Variants in SKIL observed in about 807,000 individuals in gnomAD.
The protein encoded by SKIL is SKI like proto-oncogene, also known as ski-like protein.
In SKIL, 20 loss-of-function variants were observed where a neutral mutation model predicts 69.6. The observed-to-expected ratio is 0.29, with a 90% confidence interval of 0.20 to 0.42. The LOEUF is 0.42. Ranked by LOEUF, SKIL falls within the 10% of genes least tolerant of loss-of-function variation. The probability of loss-of-function intolerance (pLI) is 1.00; values close to 1 mark genes in which losing one functional copy is unlikely to be tolerated. For missense variants in SKIL, 745 were observed against 783.1 expected, an observed-to-expected ratio of 0.95 and a Z score of 0.58; for synonymous variants, 310 against 279.9, an observed-to-expected ratio of 1.11 and a Z score of -1.08.
intron 2 of SKIL, among the ~76,000 whole-genome samples, chr3:170,376,610 C>G (rs182284665): frequency 1.3e-5 from 2 of 151,946 alleles, no homozygotes; most frequent in South Asian, 2.1e-4. Flanking sequence ...GGGTCTGGCT[C>G]TGTCACCCAG....
At chr3:170,387,933 C>CA (rs541166783) in intron 4 of SKIL, among the ~76,000 whole-genome samples, 20,807 of 51,044 alleles carry the variant, frequency 0.41, 6,325 homozygotes, top group East Asian at 0.68. Flanking sequence ...GACTCCGTCT[C>CA]AAAAAAAAAA....
At chr3:170,373,319 A>G (rs953353144) in intron 2 of SKIL, among the ~76,000 whole-genome samples, 3 of 152,056 alleles carry the variant, frequency 2.0e-5, no homozygotes, top group African/African-American at 7.2e-5. Context: ...GGCATGAGCC[A>G]CCGTGCCCAG....
At position 170,384,609 on chromosome 3, in the gene SKIL, C is replaced by T. The variant is rs760271416; in HGVS notation, c.1273C>T (p.Leu425Phe). 1.2e-6 allele frequency: 2 copies of T among 1,612,962 alleles called. No individual in the cohort carries two copies. The highest frequency in any genetic ancestry group is 2.2e-5 in the South Asian group (2 of 91,042). Reference protein sequence around the residue: ...LTSAVSQSKELTKTEASKSIS... With the variant: ...LTSAVSQSKEFTKTEASKSIS... ...TTCTGCTGTATCCCAGTCTAAAGAG[C>T]TCACAAAGACAGAGGCAAGTAAGTC... The change falls in exon 4 of 7, where the codon CTC becomes TTC. Residue 425 changes from leucine to phenylalanine, a missense_variant. Transcript: ENST00000259119.
At chr3:170,389,316 CTTT>C (rs763858925) in intron 4 of SKIL, among the ~76,000 whole-genome samples, 4 of 137,054 alleles carry the variant, frequency 2.9e-5, no homozygotes, top group African/African-American at 2.7e-5. Context: ...TTATTCTTTC[CTTT>C]TTTTTTTTTT....
chr3:170,378,744 T>C (rs1253017542), intron 2 of SKIL, among the ~76,000 whole-genome samples: 2 of 151,850 alleles, frequency 1.3e-5, no homozygotes, highest in East Asian at 1.9e-4. Context: ...CGTTTCTCCA[T>C]GTTGGCCAGG....
In SKIL at chr3:170,394,115, A is replaced by ATTTTTT. The variant is rs559327626; in HGVS notation, c.*1724_*1729dup. The ATTTTTT allele has an allele frequency of 1.5e-3, 110 of 74,364 alleles. 7 individuals are homozygous for ATTTTTT. The highest frequency in any genetic ancestry group is 5.5e-3 in the African/African-American group (106 of 19,334). 4.6% of individuals were successfully genotyped at this position (74,364 alleles called of 1,614,324 possible). ...ATATTAAAATGACATGTAGAAACAA[A>ATTTTTT]TTTTTTTTTTTTTTTTTTTTTTTTT... On this transcript the variant is annotated 3_prime_UTR_variant, in exon 7 of 7. Transcript: ENST00000259119.
rs775314941 is a variant in SKIL at position 170,360,493 on chromosome 3, G to C, written c.162G>C (p.Leu54Phe). 7 of 1,614,126 alleles carry C rather than the reference G, an allele frequency of 4.3e-6. No individual in the cohort carries two copies. In the South Asian group the frequency reaches 5.5e-5, roughly 13 times the overall value. The change falls in exon 2 of 7, where the codon TTG becomes TTC. Residue 54 changes from leucine to phenylalanine, a missense_variant. Transcript: ENST00000259119. ...NKVPTVKKEH[L>F]DDYGEAPVET... Reference sequence around the variant, plus strand: ...TGCCAACAGTTAAGAAGGAACACTTGGATGACTATGGAGAAGCACCAGTGG... The same window carrying C: ...TGCCAACAGTTAAGAAGGAACACTTCGATGACTATGGAGAAGCACCAGTGG...
rs371974857 is a variant in SKIL, at chr3:170,373,993, CAAG to C, written c.1099-7247_1099-7245del. 2.7e-3 allele frequency among the ~76,000 whole-genome samples: 405 copies of C among 152,144 alleles called. 3 individuals carry two copies. Among genetic ancestry groups the C allele is most frequent in the African/African-American group, 9.0e-3 (374 of 41,488 alleles). On this transcript the variant is annotated intron_variant, in intron 2 of 6. Coordinates refer to ENST00000259119, the MANE Select transcript of SKIL (RefSeq NM_005414.5). ...AGCTTTTGTATTTAGAAAGGAGTGA[CAAG>C]AAGTTTTTTGTAAATGAAATCAAGC...
In SKIL at chr3:170,392,294, G is replaced by A. The variant is rs1281913917; in HGVS notation, c.1932G>A (p.Glu644=). ...TGAGGCAGAGATTGGACCATGCTGA[G>A]GCCGATAGGCAAGAACTCCAAGATG... The part of the protein sequence containing the change: ...AELRQRLDHA[E]ADRQELQDEL... Residue 644 remains glutamate (E), a synonymous_variant, in exon 7 of 7, where the codon GAG becomes GAA. Transcript: ENST00000259119. The A allele has an allele frequency of 6.2e-7, 1 of 1,612,850 alleles. No homozygotes were observed.
intron 2 of SKIL, among the ~76,000 whole-genome samples, chr3:170,364,334 TTTTTTTGA>T (rs1283739179): frequency 1.9e-4 from 11 of 56,700 alleles, no homozygotes; most frequent in African/African-American, 6.7e-4. Context: ...TTTTTTTTTT[TTTTTTTGA>T]GACAGAGTTT....
rs1389911666 is a variant in SKIL at position 170,394,482 on chromosome 3, C to T, written c.*2065C>T. On this transcript the variant is annotated 3_prime_UTR_variant, in exon 7 of 7. Transcript: ENST00000259119. ...TTTATATTTCTAATTCACTTGGAAC[C>T]TTTCTGCTTTATGTTACCTAGAAAA... 1 of 152,086 alleles carries T rather than the reference C, an allele frequency of 6.6e-6. No individual in the cohort carries two copies. Among genetic ancestry groups the T allele is most frequent in the Non-Finnish European group, 1.5e-5 (1 of 68,008 alleles). The allele number at this position is 152,086 out of a possible 1,614,324, so 9.4% of individuals were successfully genotyped here.
chr3:170,377,982 C>T (rs1260708129), intron 2 of SKIL, among the ~76,000 whole-genome samples: 1 of 152,096 alleles, frequency 6.6e-6, no homozygotes, highest in Non-Finnish European at 1.5e-5. Flanking sequence ...CAATCTCCAC[C>T]TCCCAGGTTC....
chr3:170,367,866 C>T (rs1736620414), intron 2 of SKIL, among the ~76,000 whole-genome samples: 1 of 152,138 alleles, frequency 6.6e-6, no homozygotes, highest in Admixed American at 6.6e-5. Flanking sequence ...CTATAGATTA[C>T]TTATGATACA....
At chr3:170,358,892 G>GAC in intron 1 of SKIL, among the ~76,000 whole-genome samples, 1 of 152,262 alleles carries the variant, frequency 6.6e-6, no homozygotes, top group African/African-American at 2.4e-5. Context: ...TTTTTTAAGA[G>GAC]AAAGTTAATT....
chr3:170,384,309 C>CT, intron 3 of SKIL, among the ~76,000 whole-genome samples: 1 of 152,120 alleles, frequency 6.6e-6, no homozygotes, highest in East Asian at 1.9e-4. Flanking sequence ...GCCTGGGTTA[C>CT]TTGCAAACTA....
chr3:170,374,175 T>G (rs1280380182), intron 2 of SKIL, among the ~76,000 whole-genome samples: 1 of 152,218 alleles, frequency 6.6e-6, no homozygotes, highest in African/African-American at 2.4e-5. Context: ...AAATGTTTCT[T>G]AGTTTTTACT....
At chr3:170,382,215 CAAAG>C (rs918873585) in intron 3 of SKIL, among the ~76,000 whole-genome samples, 4 of 152,102 alleles carry the variant, frequency 2.6e-5, no homozygotes, top group East Asian at 1.9e-4. Context: ...GAAAAAATTT[CAAAG>C]AAAGAATCTG....
chr3:170,376,921 T>C (rs1737061390), intron 2 of SKIL, among the ~76,000 whole-genome samples: 1 of 152,290 alleles, frequency 6.6e-6, no homozygotes, highest in South Asian at 2.1e-4. Context: ...CTTTGTTGAA[T>C]TGGGGTAGGG....
At chr3:170,388,787 A>G (rs1737769981) in intron 4 of SKIL, among the ~76,000 whole-genome samples, 1 of 151,752 alleles carries the variant, frequency 6.6e-6, no homozygotes, top group Non-Finnish European at 1.5e-5. Flanking sequence ...CAATTTATCT[A>G]TTTTTTTCTT....
Sources: gnomAD v4.1 joint callset for allele counts (sites outside exome capture counted in the v4.1 genomes callset) on GRCh38, gnomAD v4.1.1 for gene constraint, MANE v1.5 for transcripts, NCBI Gene and HGNC (gene_info 2026-07-23, HGNC 2026-07-21) for gene names.